KAT6A: variants seen among roughly 807,000 people sequenced by gnomAD.
KAT6A encodes lysine acetyltransferase 6A.
KAT6A carries 9 observed loss-of-function variants against 198.4 expected under a neutral mutation model. That is an observed-to-expected ratio of 0.05 (90% CI 0.03 to 0.08). The LOEUF is 0.08. KAT6A is among the 10% of genes least tolerant of loss of function. The pLI is 1.00. For missense variants in KAT6A, 2,077 were observed against 2,509.9 expected, an observed-to-expected ratio of 0.83 and a Z score of 3.69; for synonymous variants, 890 against 883.0, an observed-to-expected ratio of 1.01 and a Z score of -0.14.
intron 2 of KAT6A, among the ~76,000 whole-genome samples, chr8:42,019,833 GAA>G (rs947341945): frequency 5.3e-5 from 8 of 152,098 alleles, no homozygotes; most frequent in African/African-American, 1.9e-4. Flanking sequence ...TAATAGAAGG[GAA>G]AAATGGGCAT....
Position 41,967,273 on chromosome 8 carries a change from A to ATT in KAT6A, c.1482+7430_1482+7431insAA, listed in dbSNP as rs1564028443. The stretch of plus-strand genomic sequence containing the variant: ...CGCGTCTTTCTTTTTTTAAAAAAAA[A>ATT]AATTTATTTATTTATTTATTTATTT... On this transcript the variant is annotated intron_variant, in intron 8 of 16. Transcript: ENST00000265713. Among the ~76,000 whole-genome samples, 443 of 54,878 alleles carry ATT rather than the reference A, an allele frequency of 8.1e-3. 7 individuals carry two copies. Among genetic ancestry groups the ATT allele is most frequent in the African/African-American group, 0.029 (300 of 10,236 alleles). The allele number at this position is 54,878 out of a possible 152,430, so 36.0% of individuals were successfully genotyped here. A position where few individuals can be genotyped will look rare whatever the true frequency, so the allele number is the denominator to read the frequency against.
At chr8:42,033,980 T>C (rs1485040311) in intron 2 of KAT6A, among the ~76,000 whole-genome samples, 1 of 152,062 alleles carries the variant, frequency 6.6e-6, no homozygotes, top group African/African-American at 2.4e-5. Flanking sequence ...TGTACGGACA[T>C]ATGCAGCATG....
intron 9 of KAT6A, among the ~76,000 whole-genome samples, chr8:41,953,195 TTA>T (rs1026461503): frequency 1.3e-5 from 2 of 152,208 alleles, no homozygotes; most frequent in Non-Finnish European, 2.9e-5. Flanking sequence ...AGAAAACAGT[TTA>T]TGATTCCATT....
intron 15 of KAT6A, among the ~76,000 whole-genome samples, chr8:41,938,665 G>A (rs987217380): frequency 7.9e-5 from 12 of 152,068 alleles, no homozygotes; most frequent in African/African-American, 2.9e-4. Context: ...AAACACAGGA[G>A]GCCAGGCGCG....
chr8:42,032,766 A>G (rs1487955839), intron 2 of KAT6A, among the ~76,000 whole-genome samples: 2 of 152,034 alleles, frequency 1.3e-5, no homozygotes, highest in African/African-American at 4.8e-5. Flanking sequence ...GCCAATACAC[A>G]GTGAGGCTAA....
rs920765277 is a variant in KAT6A at position 41,931,329 on chromosome 8, C to G, written c.*876G>C. 1 of 218,400 alleles carries G rather than the reference C, an allele frequency of 4.6e-6. No homozygotes were observed. The highest frequency in any genetic ancestry group is 2.3e-5 in the African/African-American group (1 of 44,406). The allele number at this position is 218,400 out of a possible 1,614,324, so 13.5% of individuals were successfully genotyped here. ...TAAAAAAACAAGAGGTTAATCTCCT[C>G]TTTTTGATTGTTAATTGACCATCTC... On this transcript the variant is annotated 3_prime_UTR_variant, in exon 17 of 17. Coordinates refer to ENST00000265713, the MANE Select transcript of KAT6A (RefSeq NM_006766.5).
chr8:42,025,209 T>C (rs1658738699), intron 2 of KAT6A, among the ~76,000 whole-genome samples: 1 of 151,840 alleles, frequency 6.6e-6, no homozygotes, highest in African/African-American at 2.4e-5. Context: ...TGAGGTTTTT[T>C]TTTGTTTTGT....
chr8:42,048,405 C>T lies in KAT6A; in HGVS notation c.573G>A (p.Val191=). Residue 191 remains valine (V), a synonymous_variant, in exon 2 of 17, where the codon GTG becomes GTA. Transcript: ENST00000265713. ...SCESLSCLPP[V]SLLPHEKDKP... ...TATCCTTTTCATGTGGAAGAAGGGA[C>T]ACTGGAGGTAAACAGGAAAGAGACT... 6.2e-7 allele frequency: 1 copy of T among 1,614,084 alleles called. No individual in the cohort carries two copies. Among genetic ancestry groups the T allele is most frequent in the Non-Finnish European group, 8.5e-7 (1 of 1,179,974 alleles).
Position 41,977,344 on chromosome 8 carries a change from G to C in KAT6A, c.1044-17C>G, listed in dbSNP as rs1824112154. On this transcript the variant is annotated splice_polypyrimidine_tract_variant and intron_variant, in intron 6 of 16. Coordinates refer to ENST00000265713, the MANE Select transcript of KAT6A (RefSeq NM_006766.5). ...CCTTTTGATCTAAACAATTAAACAGGGGAAAGGGTAAGTATTAAAAAAGAT... is the reference window on the plus strand; with the variant it reads ...CCTTTTGATCTAAACAATTAAACAGCGGAAAGGGTAAGTATTAAAAAAGAT... 1 of 1,588,092 alleles carries C rather than the reference G, an allele frequency of 6.3e-7. No individual in the cohort carries two copies. Among genetic ancestry groups the C allele is most frequent in the East Asian group, 2.2e-5 (1 of 44,644 alleles).
chr8:41,978,556 T>A (rs754943565), intron 6 of KAT6A, 86 bp downstream of exon 6: 2 of 1,409,904 alleles, frequency 1.4e-6, no homozygotes, highest in Middle Eastern at 3.7e-4. Flanking sequence ...CAATGGAATT[T>A]TTTTCATAGA....
chr8:41,946,780 G>T, intron 11 of KAT6A, 96 bp from the exon 12 acceptor site: 1 of 715,562 alleles, frequency 1.4e-6, no homozygotes, highest in Non-Finnish European at 2.5e-6. Flanking sequence ...AAAACCCACA[G>T]CCCTGGTCCT....
intron 2 of KAT6A, among the ~76,000 whole-genome samples, chr8:42,009,892 C>G (rs1441197517): frequency 1.4e-5 from 1 of 69,728 alleles, no homozygotes; most frequent in Non-Finnish European, 2.5e-5. Context: ...AAAGCCCTGT[C>G]TCAAAAAAAA....
chr8:41,938,675 G>A (rs185731178), intron 15 of KAT6A, among the ~76,000 whole-genome samples: 5 of 152,152 alleles, frequency 3.3e-5, no homozygotes, highest in Admixed American at 2.6e-4. Context: ...GGCCAGGCGC[G>A]GTGGCTCACA....
intron 2 of KAT6A, among the ~76,000 whole-genome samples, chr8:42,038,186 T>G (rs1827470794): frequency 6.6e-6 from 1 of 152,222 alleles, no homozygotes; most frequent in African/African-American, 2.4e-5. Context: ...AAAATTAGAC[T>G]TACCTTTAAA....
Position 41,937,241 on chromosome 8 carries a change from T to G in KAT6A, c.3352+15A>C, listed in dbSNP as rs543969049. 1 of 1,600,296 alleles carries G rather than the reference T, an allele frequency of 6.2e-7. No individual in the cohort carries two copies. The highest frequency in any genetic ancestry group is 1.7e-5 in the Admixed American group (1 of 59,550). On this transcript the variant is annotated intron_variant, in intron 16 of 16. Coordinates refer to ENST00000265713, the MANE Select transcript of KAT6A (RefSeq NM_006766.5). Reference sequence around the variant, plus strand: ...AAGACAATAAACCACAGTAAGTGAGTTCTGTAAAACATACCATCAGCATCA... The same window carrying G: ...AAGACAATAAACCACAGTAAGTGAGGTCTGTAAAACATACCATCAGCATCA...
At chr8:41,957,178 C>T (rs761633543) in intron 8 of KAT6A, 5 of 591,656 alleles carry the variant, frequency 8.5e-6, no homozygotes, top group South Asian at 1.4e-5. Context: ...CAACTGCGCA[C>T]GTCTGTCCAG....
intron 2 of KAT6A, among the ~76,000 whole-genome samples, chr8:42,005,295 C>T (rs1000367045): frequency 1.3e-5 from 2 of 152,170 alleles, no homozygotes; most frequent in African/African-American, 4.8e-5. Context: ...AATATTGCAT[C>T]AAATTAAAAT....
intron 2 of KAT6A, among the ~76,000 whole-genome samples, chr8:42,013,009 G>A (rs1228561383): frequency 3.3e-5 from 5 of 151,026 alleles, no homozygotes; most frequent in Non-Finnish European, 7.4e-5. Flanking sequence ...TAATATTATA[G>A]GGAGAATAAT....
In KAT6A at chr8:41,974,698, C is replaced by CT; in HGVS notation, c.1482+5dup. On this transcript the variant is annotated splice_donor_region_variant and intron_variant, in intron 8 of 16. Transcript: ENST00000265713. ...TTGATTGTCTAACCTGAATATCCAA[C>CT]TTTACCTGCAGTGCTTGTTCTTGGA... 1 of 1,556,828 alleles carries CT rather than the reference C, an allele frequency of 6.4e-7. No homozygotes were observed. The highest frequency in any genetic ancestry group is 8.8e-7 in the Non-Finnish European group (1 of 1,132,122).
Sources: gnomAD v4.1 joint callset for allele counts (sites outside exome capture counted in the v4.1 genomes callset) on GRCh38, gnomAD v4.1.1 for gene constraint, MANE v1.5 for transcripts, NCBI Gene and HGNC (gene_info 2026-07-23, HGNC 2026-07-21) for gene names.